Variants in SLC8A1 observed in about 807,000 individuals in gnomAD.
SLC8A1 encodes the protein sodium/calcium exchanger 1.
Under a neutral mutation model 68.3 loss-of-function variants are expected in SLC8A1, and 18 were observed. That is an observed-to-expected ratio of 0.26 (90% CI 0.18 to 0.39). The LOEUF (loss-of-function observed/expected upper bound fraction) is 0.39, where lower values mean the gene tolerates loss of function less well. Ranked by LOEUF, SLC8A1 falls within the 10% of genes least tolerant of loss-of-function variation. The pLI is 1.00. For missense variants in SLC8A1, 985 were observed against 1,156.7 expected, an observed-to-expected ratio of 0.85 and a Z score of 2.15; for synonymous variants, 475 against 415.5, an observed-to-expected ratio of 1.14 and a Z score of -1.74.
chr2:40,293,786 T>C (rs1234530002), intron 2 of SLC8A1, among the ~76,000 whole-genome samples: 2 of 152,126 alleles, frequency 1.3e-5, no homozygotes, highest in Non-Finnish European at 2.9e-5. Context: ...ATAGATGGAA[T>C]AGGGTATGTA....
Position 40,174,569 on chromosome 2 carries a change from G to A in SLC8A1, c.1930+256C>T, listed in dbSNP as rs1366670887. ...CACACACATTATTAATTTGTAAAAC[G>A]TTAAATGTGTAAAACCAGCAAGAGC... On this transcript the variant is annotated intron_variant, in intron 4 of 7. Transcript: ENST00000406785. 28 of 825,026 alleles carry A rather than the reference G, an allele frequency of 3.4e-5. No individual in the cohort carries two copies. The South Asian group carries it at 3.6e-4, about 11-fold the overall frequency. The allele number at this position is 825,026 out of a possible 1,614,324, so 51.1% of individuals were successfully genotyped here. A position where few individuals can be genotyped will look rare whatever the true frequency, so the allele number is the denominator to read the frequency against.
intron 2 of SLC8A1, among the ~76,000 whole-genome samples, chr2:40,278,434 A>T (rs2067060496): frequency 6.6e-6 from 1 of 152,100 alleles, no homozygotes; most frequent in Non-Finnish European, 1.5e-5. Context: ...GCGCCACTGC[A>T]CTCCAGCCTG....
At chr2:40,418,354 T>C (rs1411251395) in intron 2 of SLC8A1, among the ~76,000 whole-genome samples, 6 of 152,334 alleles carry the variant, frequency 3.9e-5, no homozygotes, top group Middle Eastern at 3.4e-3. Context: ...TATCAGCTTA[T>C]AGCATCCCAG....
chr2:40,448,412 T>A (rs1701842214), intron 1 of SLC8A1, among the ~76,000 whole-genome samples: 1 of 152,180 alleles, frequency 6.6e-6, no homozygotes, highest in African/African-American at 2.4e-5. Flanking sequence ...CGCTGAAAGC[T>A]CACATTCTCA....
At chr2:40,412,882 A>AT (rs1559576101) in intron 2 of SLC8A1, among the ~76,000 whole-genome samples, 1 of 151,954 alleles carries the variant, frequency 6.6e-6, no homozygotes, top group Non-Finnish European at 1.5e-5. Flanking sequence ...TAATCTAGGT[A>AT]TTTTTTCTGG....
At chr2:40,413,822 T>C (rs183201694) in intron 2 of SLC8A1, among the ~76,000 whole-genome samples, 10 of 152,294 alleles carry the variant, frequency 6.6e-5, no homozygotes, top group Non-Finnish European at 1.2e-4. Context: ...TGGATAAATA[T>C]AACATAAATA....
intron 2 of SLC8A1, among the ~76,000 whole-genome samples, chr2:40,223,045 G>A (rs1023733260): frequency 6.6e-6 from 1 of 152,162 alleles, no homozygotes; most frequent in Non-Finnish European, 1.5e-5. Flanking sequence ...TATAAATCAT[G>A]CTACTAGAAA....
chr2:40,452,311 G>A (rs1311031403), upstream of SLC8A1, among the ~76,000 whole-genome samples: 1 of 151,856 alleles, frequency 6.6e-6, no homozygotes, highest in Non-Finnish European at 1.5e-5. Flanking sequence ...TCGCGTCGGG[G>A]CAAAGCCGGC....
rs867700984 is a variant in SLC8A1 at position 40,157,003 on chromosome 2, G to A, written c.2161+3762C>T. On this transcript the variant is annotated intron_variant, in intron 6 of 7. Transcript: ENST00000406785. ...GCCCCTTAACAGTTTTGCTTCTTGA[G>A]CAAGTAGTTACATTGTTTTTCCAAA... Among the ~76,000 whole-genome samples, 3 of 152,146 alleles carry A rather than the reference G, an allele frequency of 2.0e-5. No individual in the cohort carries two copies. The South Asian group carries it at 6.2e-4, about 32-fold the overall frequency.
chr2:40,120,510 TAA>T (rs1463936204), intron 7 of SLC8A1, among the ~76,000 whole-genome samples: 1 of 152,222 alleles, frequency 6.6e-6, no homozygotes, highest in East Asian at 1.9e-4. Context: ...AGAGTATCTC[TAA>T]GACTCTTTCT....
chr2:40,422,328 T>C (rs978248202), intron 2 of SLC8A1, among the ~76,000 whole-genome samples: 2 of 152,188 alleles, frequency 1.3e-5, no homozygotes, highest in African/African-American at 2.4e-5. Flanking sequence ...AGATATTTTA[T>C]AGGAAAACCT....
chr2:40,348,828 C>G (rs1473379376), intron 2 of SLC8A1, among the ~76,000 whole-genome samples: 1 of 152,160 alleles, frequency 6.6e-6, no homozygotes, highest in African/African-American at 2.4e-5. Flanking sequence ...TCCCCACAGT[C>G]GTAACACATG....
intron 2 of SLC8A1, among the ~76,000 whole-genome samples, chr2:40,320,120 C>G (rs2075011768): frequency 6.6e-6 from 1 of 152,090 alleles, no homozygotes; most frequent in South Asian, 2.1e-4. Flanking sequence ...TCACCATCAT[C>G]TTCATATTAC....
chr2:40,280,791 C>T (rs756375216), intron 2 of SLC8A1, among the ~76,000 whole-genome samples: 3 of 152,138 alleles, frequency 2.0e-5, no homozygotes, highest in Non-Finnish European at 4.4e-5. Flanking sequence ...TGAATGGAGT[C>T]TTTGAAGACC....
chr2:40,401,976 A>C (rs1688882028), intron 2 of SLC8A1, among the ~76,000 whole-genome samples: 1 of 152,178 alleles, frequency 6.6e-6, no homozygotes, highest in East Asian at 1.9e-4. Context: ...TAATTGTCAG[A>C]GGCATTTGAA....
chr2:40,324,738 C>T (rs925217427), intron 2 of SLC8A1, among the ~76,000 whole-genome samples: 1 of 152,048 alleles, frequency 6.6e-6, no homozygotes, highest in Non-Finnish European at 1.5e-5. Context: ...TGTCTCAAAT[C>T]TTAAGTTTAT....
At chr2:40,217,321 G>A (rs886907874) in intron 2 of SLC8A1, among the ~76,000 whole-genome samples, 1 of 152,116 alleles carries the variant, frequency 6.6e-6, no homozygotes, top group Non-Finnish European at 1.5e-5. Context: ...TTATTTCTGA[G>A]GTCTCTGTTT....
chr2:40,341,341 C>G (rs1261557037), intron 2 of SLC8A1, among the ~76,000 whole-genome samples: 1 of 152,114 alleles, frequency 6.6e-6, no homozygotes, highest in African/African-American at 2.4e-5. Context: ...ATGGTAGTGG[C>G]TAAAAACAGC....
intron 4 of SLC8A1, among the ~76,000 whole-genome samples, chr2:40,169,714 G>T (rs1273753441): frequency 6.6e-6 from 1 of 152,126 alleles, no homozygotes; most frequent in African/African-American, 2.4e-5. Flanking sequence ...GCAGAGGCGG[G>T]TGGACTGCTT....
Sources: allele counts gnomAD v4.1 joint callset (sites outside exome capture counted in the v4.1 genomes callset), GRCh38; gene constraint gnomAD v4.1.1; transcripts MANE v1.5; gene names NCBI Gene and HGNC (gene_info 2026-07-23, HGNC 2026-07-21).